CSMD3: variants seen among roughly 807,000 people sequenced by gnomAD.
The protein encoded by CSMD3 is CUB and sushi domain-containing protein 3.
A neutral mutation model predicts 435.2 loss-of-function variants in CSMD3; 177 were observed. The observed-to-expected ratio is 0.41, with a 90% CI of 0.36 to 0.46. The LOEUF is 0.46. CSMD3 is among the 20% of genes least tolerant of loss of function. CSMD3 has a pLI of 0.34. For synonymous variants in CSMD3, 1,656 were observed against 1,520.5 expected (o/e 1.09, Z -2.07); for missense variants, 4,265 against 4,504.6 (o/e 0.95, Z 1.52).
At chr8:113,057,390 G>C (rs1449454223) in intron 5 of CSMD3, among the ~76,000 whole-genome samples, 2 of 151,934 alleles carry the variant, frequency 1.3e-5, no homozygotes, top group African/African-American at 4.8e-5. Flanking sequence ...AGAATGTTTA[G>C]TATCAATTTA....
chr8:112,463,492 G>T (rs7018185), intron 32 of CSMD3, among the ~76,000 whole-genome samples: 39,138 of 152,022 alleles, frequency 0.26, 5,677 homozygotes, highest in East Asian at 0.5. Flanking sequence ...TTGGTAACTG[G>T]CTCTGCTGTC....
intron 9 of CSMD3, among the ~76,000 whole-genome samples, chr8:112,941,710 G>A (rs1356564886): frequency 6.6e-6 from 1 of 151,690 alleles, no homozygotes; most frequent in African/African-American, 2.4e-5. Flanking sequence ...AATAACATGT[G>A]TATATGTGGA....
intron 1 of CSMD3, among the ~76,000 whole-genome samples, chr8:113,332,598 T>C (rs561860482): frequency 5.3e-5 from 8 of 151,840 alleles, no homozygotes; most frequent in Non-Finnish European, 8.9e-5. Flanking sequence ...TACTAAATAC[T>C]ACAAAAATTG....
intron 12 of CSMD3, among the ~76,000 whole-genome samples, chr8:112,815,634 C>A (rs1361202174): frequency 6.6e-6 from 1 of 151,932 alleles, no homozygotes; most frequent in Non-Finnish European, 1.5e-5. Flanking sequence ...TTCCTGAGAA[C>A]AAAAGGAAAA....
chr8:113,053,625 T>A (rs1015692939), intron 5 of CSMD3, among the ~76,000 whole-genome samples: 1 of 152,102 alleles, frequency 6.6e-6, no homozygotes, highest in African/African-American at 2.4e-5. Context: ...AAAATTGAAT[T>A]ATAATTTTCA....
intron 27 of CSMD3, among the ~76,000 whole-genome samples, chr8:112,524,999 T>A (rs1375640450): frequency 6.6e-6 from 1 of 152,004 alleles, no homozygotes; most frequent in East Asian, 1.9e-4. Flanking sequence ...AACATTTTTA[T>A]ATATTTTAAA....
chr8:112,233,545 C>G (rs1293338800), intron 68 of CSMD3, among the ~76,000 whole-genome samples: 1 of 152,048 alleles, frequency 6.6e-6, no homozygotes, highest in Non-Finnish European at 1.5e-5. Context: ...TCCTCAGGAA[C>G]CAAACTTATT....
At chr8:112,641,045 T>G (rs73702314) in intron 20 of CSMD3, among the ~76,000 whole-genome samples, 2,967 of 152,282 alleles carry the variant, frequency 0.019, 93 homozygotes, top group African/African-American at 0.068. Context: ...ACTTTCTCCA[T>G]ATTTAAAATG....
intron 27 of CSMD3, among the ~76,000 whole-genome samples, chr8:112,525,503 G>T (rs1041189259): frequency 6.7e-6 from 1 of 149,474 alleles, no homozygotes; most frequent in Non-Finnish European, 1.5e-5. Flanking sequence ...GGCGGATCAC[G>T]AGGTCAGGAA....
intron 3 of CSMD3, among the ~76,000 whole-genome samples, chr8:113,264,835 T>A (rs963838387): frequency 6.6e-6 from 1 of 151,618 alleles, no homozygotes; most frequent in Non-Finnish European, 1.5e-5. Flanking sequence ...CACAAACACA[T>A]TCATTGGAGT....
chr8:113,022,994 C>T lies in CSMD3; in HGVS notation c.918-3815G>A, dbSNP rs534505951. On this transcript the variant is annotated intron_variant, in intron 5 of 70. Transcript: ENST00000297405. ...ATCCTTTAGAGAATGTAATTATAAT[C>T]CTTACAACATGATTTTAAGAATTAG... Among the ~76,000 whole-genome samples, 7 of 151,970 alleles carry T rather than the reference C, an allele frequency of 4.6e-5. No homozygotes were observed. In the East Asian group the frequency reaches 7.7e-4, roughly 17 times the overall value.
At chr8:112,890,024 G>A (rs562846557) in intron 10 of CSMD3, among the ~76,000 whole-genome samples, 3 of 151,564 alleles carry the variant, frequency 2.0e-5, no homozygotes, top group Non-Finnish European at 4.4e-5. Context: ...TATGTGAAAT[G>A]AATATAGTTT....
At chr8:112,887,346 A>T (rs12547758) in intron 10 of CSMD3, among the ~76,000 whole-genome samples, 75,989 of 150,244 alleles carry the variant, frequency 0.51, 19,815 homozygotes, top group East Asian at 0.83. Flanking sequence ...TCAATTTTTA[A>T]CAATTCTGGT....
chr8:113,113,646 T>C (rs1233207352), intron 4 of CSMD3, among the ~76,000 whole-genome samples: 1 of 152,192 alleles, frequency 6.6e-6, no homozygotes, highest in Non-Finnish European at 1.5e-5. Context: ...CATACTGTTG[T>C]TTCTGTCTCA....
chr8:112,261,879 C>G (rs952854985), intron 61 of CSMD3, among the ~76,000 whole-genome samples: 2 of 151,072 alleles, frequency 1.3e-5, no homozygotes, highest in African/African-American at 4.9e-5. Context: ...GTATTTTGAC[C>G]ATTTTTCTTG....
In CSMD3 at chr8:112,224,406, C is replaced by T; in HGVS notation, c.*365G>A. 1 of 304,804 alleles carries T rather than the reference C, an allele frequency of 3.3e-6. No individual in the cohort carries two copies. The highest frequency in any genetic ancestry group is 6.4e-6 in the Non-Finnish European group (1 of 155,758). 18.9% of individuals were successfully genotyped at this position (304,804 alleles called of 1,614,324 possible). A position where few individuals can be genotyped will look rare whatever the true frequency, so the allele number is the denominator to read the frequency against. ...TGTAAGTATAGCTCTTATTTCTACC[C>T]TATATCTTTTTTTTTAAACCCAGTC... is the stretch of plus-strand genomic sequence containing the variant. On this transcript the variant is annotated 3_prime_UTR_variant, in exon 71 of 71. Transcript: ENST00000297405.
At chr8:113,092,036 G>A (rs1195765926) in intron 5 of CSMD3, among the ~76,000 whole-genome samples, 3 of 151,944 alleles carry the variant, frequency 2.0e-5, no homozygotes, top group Non-Finnish European at 4.4e-5. Context: ...TACACTCTGT[G>A]ATATTCAATC....
intron 1 of CSMD3, among the ~76,000 whole-genome samples, chr8:113,427,628 G>T (rs934434750): frequency 6.6e-6 from 1 of 151,524 alleles, no homozygotes; most frequent in Admixed American, 6.6e-5. Flanking sequence ...AAGATACACA[G>T]CTACCCCTGT....
chr8:112,877,330 A>G (rs1378102602), intron 10 of CSMD3, among the ~76,000 whole-genome samples: 1 of 151,858 alleles, frequency 6.6e-6, no homozygotes, highest in East Asian at 1.9e-4. Flanking sequence ...CAATGGTGTG[A>G]TATCGGCTCA....
Sources: allele counts gnomAD v4.1 joint callset (sites outside exome capture counted in the v4.1 genomes callset), GRCh38; gene constraint gnomAD v4.1.1; transcripts MANE v1.5; gene names NCBI Gene and HGNC (gene_info 2026-07-23, HGNC 2026-07-21).